KCTD16: variants seen among roughly 807,000 people sequenced by gnomAD.
KCTD16 encodes the protein potassium channel tetramerization domain containing 16.
In KCTD16, 13 loss-of-function variants were observed where a neutral mutation model predicts 33.2. The ratio of observed to expected loss-of-function variants is 0.39; its 90% CI spans 0.25 to 0.62. KCTD16 has a LOEUF of 0.62. Among genes scored for constraint, KCTD16 ranks in the 20% least tolerant of loss-of-function variants. The probability of loss-of-function intolerance (pLI) is 0.50; values close to 1 mark genes in which losing one functional copy is unlikely to be tolerated. For missense variants in KCTD16, 441 were observed against 525.1 expected (o/e 0.84, Z 1.57); for synonymous variants, 197 against 195.3 (o/e 1.01, Z -0.07).
At position 144,408,863 on chromosome 5, in the gene KCTD16, G is replaced by C. The variant is rs1752869981; in HGVS notation, c.833-64797G>C. Among the ~76,000 whole-genome samples the C allele has an allele frequency of 2.6e-5, 4 of 152,098 alleles. No individual in the cohort carries two copies. In the South Asian group the frequency reaches 8.3e-4, roughly 32 times the overall value. On this transcript the variant is annotated intron_variant, in intron 3 of 3. Transcript: ENST00000512467. ...TTTCATGTTCCTTATTCCTCCCCCA[G>C]ACCTTCAAATGTCTCCCACTTTCTT...
intron 3 of KCTD16, among the ~76,000 whole-genome samples, chr5:144,356,745 C>CTGGG (rs1751580011): frequency 6.6e-6 from 1 of 152,072 alleles, no homozygotes; most frequent in South Asian, 2.1e-4. Flanking sequence ...GAAAGGACAA[C>CTGGG]ATAGTTTCTC....
At chr5:144,408,930 G>T (rs2126952158) in intron 3 of KCTD16, among the ~76,000 whole-genome samples, 1 of 152,198 alleles carries the variant, frequency 6.6e-6, no homozygotes, top group Non-Finnish European at 1.5e-5. Context: ...GGCCATCCCA[G>T]GCCACTTTAC....
chr5:144,374,425 G>A (rs1422112318), intron 3 of KCTD16, among the ~76,000 whole-genome samples: 1 of 152,134 alleles, frequency 6.6e-6, no homozygotes, highest in Non-Finnish European at 1.5e-5. Context: ...CAGTGAGGTT[G>A]GATAGCAAGG....
At chr5:144,356,081 A>T (rs183309925) in intron 3 of KCTD16, among the ~76,000 whole-genome samples, 177 of 152,298 alleles carry the variant, frequency 1.2e-3, no homozygotes, top group African/African-American at 3.3e-3. Context: ...TCCTAAGAAG[A>T]TTACAAAATT....
intron 3 of KCTD16, among the ~76,000 whole-genome samples, chr5:144,379,908 C>T (rs1000083701): frequency 2.0e-5 from 3 of 152,128 alleles, no homozygotes; most frequent in African/African-American, 4.8e-5. Context: ...CCAACACTTA[C>T]ATGTATTGTA....
intron 3 of KCTD16, among the ~76,000 whole-genome samples, chr5:144,254,116 T>C (rs1282820203): frequency 1.3e-5 from 2 of 150,722 alleles, no homozygotes; most frequent in African/African-American, 4.9e-5. Flanking sequence ...GGTTGGCAAA[T>C]GCATATTCTT....
intron 3 of KCTD16, among the ~76,000 whole-genome samples, chr5:144,219,075 C>T (rs1181987449): frequency 6.6e-6 from 1 of 152,196 alleles, no homozygotes; most frequent in Non-Finnish European, 1.5e-5. Flanking sequence ...CACATCAGAT[C>T]ACCTCCCTCC....
At chr5:144,179,843 G>A (rs566437545) in intron 2 of KCTD16, among the ~76,000 whole-genome samples, 49 of 152,278 alleles carry the variant, frequency 3.2e-4, no homozygotes, top group African/African-American at 9.6e-4. Context: ...TTATTCATTC[G>A]TTTAACAAAG....
chr5:144,296,974 G>T lies in KCTD16; in HGVS notation c.832+89428G>T, dbSNP rs1756055123. On this transcript the variant is annotated intron_variant, in intron 3 of 3. Transcript: ENST00000512467. ...AGCTGATTAGAATATAAAAATAATT[G>T]AATTGAATTTGCTCATGTCCTGAAC... is the stretch of plus-strand genomic sequence containing the variant. Among the ~76,000 whole-genome samples, 3 of 152,122 alleles carry T rather than the reference G, an allele frequency of 2.0e-5. No homozygotes were observed. In the South Asian group the frequency reaches 6.2e-4, roughly 31 times the overall value.
intron 3 of KCTD16, among the ~76,000 whole-genome samples, chr5:144,467,027 CTATATAT>C (rs1754354269): frequency 5.9e-5 from 4 of 67,446 alleles, no homozygotes; most frequent in South Asian, 8.6e-4. Context: ...ATATATAACA[CTATATAT>C]TATATATAAT....
chr5:144,385,338 A>G (rs529327972), intron 3 of KCTD16: 1 of 152,336 alleles, frequency 6.6e-6, no homozygotes, highest in South Asian at 2.1e-4. Context: ...CAAGAACATG[A>G]CATATGCATT....
At chr5:144,449,707 T>C (rs1174826188) in intron 3 of KCTD16, among the ~76,000 whole-genome samples, 2 of 152,048 alleles carry the variant, frequency 1.3e-5, no homozygotes, top group East Asian at 3.9e-4. Flanking sequence ...AACTAATCTT[T>C]GAGAAGTTTG....
intron 3 of KCTD16, among the ~76,000 whole-genome samples, chr5:144,388,112 C>G (rs1403629442): frequency 9.3e-6 from 1 of 107,468 alleles, no homozygotes; most frequent in Non-Finnish European, 1.7e-5. Context: ...GAGTCTCGCT[C>G]TGTTGCCCAG....
chr5:144,485,161 C>A lies in KCTD16; in HGVS notation c.*11047C>A, dbSNP rs924510523. On this transcript the variant is annotated 3_prime_UTR_variant, in exon 4 of 4. Transcript: ENST00000512467. Reference sequence around the variant, plus strand: ...CTTCGCCTGCTGTATTTCTTTCTTACCTATTTGTTTTTGCGAGAAAAACAT... The same window carrying A: ...CTTCGCCTGCTGTATTTCTTTCTTAACTATTTGTTTTTGCGAGAAAAACAT... The A allele has an allele frequency of 6.6e-6, 1 of 151,804 alleles. No individual in the cohort carries two copies. Among genetic ancestry groups the A allele is most frequent in the African/African-American group, 2.4e-5 (1 of 41,364 alleles). 9.4% of individuals were successfully genotyped at this position (151,804 alleles called of 1,614,324 possible).
At chr5:144,272,606 A>G (rs751928520) in intron 3 of KCTD16, among the ~76,000 whole-genome samples, 3 of 152,310 alleles carry the variant, frequency 2.0e-5, no homozygotes, top group East Asian at 3.9e-4. Flanking sequence ...TGTGGCACTG[A>G]CATAAAGACA....
At chr5:144,396,821 C>T (rs954449970) in intron 3 of KCTD16, among the ~76,000 whole-genome samples, 6 of 151,380 alleles carry the variant, frequency 4.0e-5, no homozygotes, top group South Asian at 4.2e-4. Flanking sequence ...TTCCAGTCCC[C>T]GAGATATAAA....
chr5:144,207,564 T>C lies in KCTD16; in HGVS notation c.832+18T>C. The C allele has an allele frequency of 6.4e-7, 1 of 1,557,266 alleles. No homozygotes were observed. The highest frequency in any genetic ancestry group is 8.8e-7 in the Non-Finnish European group (1 of 1,137,062). On this transcript the variant is annotated intron_variant, in intron 3 of 3. Coordinates refer to ENST00000512467, the MANE Select transcript of KCTD16 (RefSeq NM_020768.4). ...CTTCTACCGTAAGTACAAAGGGTTG[T>C]TTTAATTTTTTATGTGTGTCAATGC...
chr5:144,224,842 C>T (rs1402431723), intron 3 of KCTD16, among the ~76,000 whole-genome samples: 1 of 152,098 alleles, frequency 6.6e-6, no homozygotes, highest in African/African-American at 2.4e-5. Flanking sequence ...CATTTAATTC[C>T]CACAAAACCC....
chr5:144,328,504 T>TTTTTTTTTA (rs143926127), intron 3 of KCTD16, among the ~76,000 whole-genome samples: 1 of 150,964 alleles, frequency 6.6e-6, no homozygotes, highest in Non-Finnish European at 1.5e-5. Flanking sequence ...AATATCCTCT[T>TTTTTTTTTA]TTTTTTTTAT....
Sources: allele counts gnomAD v4.1 joint callset (sites outside exome capture counted in the v4.1 genomes callset), GRCh38; gene constraint gnomAD v4.1.1; transcripts MANE v1.5; gene names NCBI Gene and HGNC (gene_info 2026-07-23, HGNC 2026-07-21).